WDR18: variants seen among roughly 807,000 people sequenced by gnomAD.
WDR18 encodes the protein WD repeat domain 18, also known as WD repeat-containing protein 18.
WDR18 carries 33 observed loss-of-function variants against 49.6 expected under a neutral mutation model. The observed-to-expected ratio is 0.67, with a 90% confidence interval of 0.50 to 0.89. The LOEUF (loss-of-function observed/expected upper bound fraction) is 0.89. WDR18 is among the 40% of genes least tolerant of loss of function. The probability of loss-of-function intolerance (pLI) is 0.00; values close to 1 mark genes in which losing one functional copy is unlikely to be tolerated. For missense variants in WDR18, 653 were observed against 593.6 expected (o/e 1.10, Z -1.04); for synonymous variants, 315 against 263.6 (o/e 1.19, Z -1.89).
Position 992,076 on chromosome 19 carries a change from G to T in WDR18, c.1053G>T (p.Glu351Asp). Reference sequence around the variant, plus strand: ...TGCTGGGCGCCGAGCACGGGGACGAGCCGCGCCACGGGGGCCTCACTCTGC... The same window carrying T: ...TGCTGGGCGCCGAGCACGGGGACGATCCGCGCCACGGGGGCCTCACTCTGC... ...KHLLGAEHGD[E>D]PRHGGLTLRL... The change falls in exon 8 of 10, where the codon GAG (glutamate) becomes GAT (aspartate). Residue 351 changes from glutamate (E) to aspartate (D), a missense_variant. Physicochemically the swap from Glu to Asp is conservative, Grantham distance 45 (BLOSUM62 2). Coordinates refer to ENST00000585809, the MANE Select transcript of WDR18 (RefSeq NM_024100.4). 1 of 1,558,868 alleles carries T rather than the reference G, an allele frequency of 6.4e-7. No homozygotes were observed. Among genetic ancestry groups the T allele is most frequent in the Non-Finnish European group, 8.6e-7 (1 of 1,157,592 alleles).
chr19:990,119 C>A, intron 3 of WDR18, 104 bp from the exon 4 acceptor site: 1 of 1,422,088 alleles, frequency 7.0e-7, no homozygotes, highest in Non-Finnish European at 9.3e-7. Context: ...GCAGGCCAGG[C>A]TGCTGAGTGG....
At chr19:988,438 C>T (rs1454179015) in intron 2 of WDR18, among the ~76,000 whole-genome samples, 1 of 152,164 alleles carries the variant, frequency 6.6e-6, no homozygotes, top group African/African-American at 2.4e-5. Context: ...CCAGAGCTGC[C>T]CTCTGTGGTT....
chr19:991,195 ACG>A (rs1491280130), intron 6 of WDR18, 30 bp from the exon 7 acceptor site: 1 of 1,187,270 alleles, frequency 8.4e-7, no homozygotes, highest in Non-Finnish European at 1.1e-6. Flanking sequence ...CCTGTCTGGC[ACG>A]TCCCAGGTGA....
intron 8 of WDR18, 34 bp downstream of exon 8, chr19:992,155 T>A: frequency 1.4e-6 from 2 of 1,420,842 alleles, no homozygotes; most frequent in Non-Finnish European, 1.8e-6. Context: ...CCACTGCCCT[T>A]TTGTCCCGGA....
Position 989,793 on chromosome 19 carries a change from G to A in WDR18, c.353G>A (p.Ser118Asn), listed in dbSNP as rs750563170. Residue 118 changes from serine to asparagine, a missense_variant, in exon 3 of 10, where the codon AGT becomes AAT. Physicochemically the swap from Ser to Asn is conservative, Grantham distance 46 (BLOSUM62 1). Transcript: ENST00000585809. ...VSTGNLLVIL[S>N]RHYQDVSCLQ... is the part of the protein sequence containing the mutation. ...ACCGGGAACCTTCTGGTCATCCTGA[G>A]TCGACACTACCAGGACGTCTCCTGC... The A allele has an allele frequency of 7.9e-5, 128 of 1,612,796 alleles. No homozygotes were observed. The highest frequency in any genetic ancestry group is 1.1e-4 in the Non-Finnish European group (125 of 1,179,922).
chr19:990,572 C>G (rs2038532151), intron 4 of WDR18: 5 of 880,752 alleles, frequency 5.7e-6, no homozygotes, highest in African/African-American at 1.7e-5. Context: ...GCCCGGCTCC[C>G]TGGCCAAGCC....
chr19:991,454 G>A, intron 7 of WDR18, 103 bp downstream of exon 7: 1 of 1,025,230 alleles, frequency 9.8e-7, no homozygotes, highest in Non-Finnish European at 1.3e-6. Context: ...TTGCTGTGGG[G>A]CGGGGCCGGG....
intron 2 of WDR18, among the ~76,000 whole-genome samples, chr19:986,764 G>A (rs1204526383): frequency 6.6e-6 from 1 of 152,250 alleles, no homozygotes; most frequent in Non-Finnish European, 1.5e-5. Context: ...GCACAGAGAT[G>A]TGCCAGGGAG....
intron 8 of WDR18, 119 bp downstream of exon 8, chr19:992,240 C>A: frequency 1.6e-6 from 2 of 1,238,642 alleles, no homozygotes; most frequent in Non-Finnish European, 2.1e-6. Context: ...AAGCCCGGCA[C>A]TGGAGGGCGC....
chr19:993,860 G>A (rs992892722), intron 8 of WDR18, among the ~76,000 whole-genome samples, 160 bp from the exon 9 acceptor site: 2 of 152,186 alleles, frequency 1.3e-5, no homozygotes, highest in Non-Finnish European at 2.9e-5. Context: ...CAGGCTCGAC[G>A]GAGGTGAACG....
At chr19:991,759 A>G (rs1321927410) in intron 7 of WDR18, among the ~76,000 whole-genome samples, 196 bp from the exon 8 acceptor site, 5 of 49,558 alleles carry the variant, frequency 1.0e-4, no homozygotes, top group African/African-American at 1.7e-4. Context: ...TGGGGGCGTG[A>G]ACTGGCTTTG....
chr19:986,048 G>T, intron 2 of WDR18, 73 bp downstream of exon 2: 1 of 1,462,538 alleles, frequency 6.8e-7, no homozygotes, highest in South Asian at 1.1e-5. Flanking sequence ...CAGGGCACCA[G>T]GGAACAACCA....
chr19:984,519 C>T lies in WDR18; in HGVS notation c.166C>T (p.Gln56Ter). 1 of 1,541,336 alleles carries T rather than the reference C, an allele frequency of 6.5e-7. No homozygotes were observed. Among genetic ancestry groups the T allele is most frequent in the Non-Finnish European group, 8.7e-7 (1 of 1,144,906 alleles). Residue 56 changes from glutamine (Q) to a stop codon, truncating the protein, a stop_gained, in exon 1 of 10, where the codon CAG becomes TAG. Transcript: ENST00000585809. LOFTEE classifies it high-confidence loss of function. ...CAATGGCGAGTATCTGCTGGCGGCG[C>T]AGCTGGGCAAGAATTACATCAGCGC... ...LLNGEYLLAAQLGKNYISAWE... is the reference protein window; with the variant it reads ...LLNGEYLLAA
intron 8 of WDR18, among the ~76,000 whole-genome samples, chr19:993,753 T>C (rs1329449689): frequency 6.6e-6 from 1 of 152,138 alleles, no homozygotes; most frequent in African/African-American, 2.4e-5. Context: ...GGTGTGGCCA[T>C]CTGCACCCCC....
chr19:984,318 A>G, upstream of WDR18: 2 of 1,545,850 alleles, frequency 1.3e-6, no homozygotes, highest in Non-Finnish European at 1.7e-6. Context: ...CGTCTCGCTC[A>G]TGATGACGCA....
chr19:986,589 G>A (rs75615445), intron 2 of WDR18, among the ~76,000 whole-genome samples: 1 of 152,110 alleles, frequency 6.6e-6, no homozygotes, highest in Non-Finnish European at 1.5e-5. Context: ...TTTTCTTACC[G>A]CTGGACCAAC....
chr19:991,956 C>T lies in WDR18; in HGVS notation c.933C>T (p.Gly311=). 1 of 1,584,924 alleles carries T rather than the reference C, an allele frequency of 6.3e-7. No homozygotes were observed. The highest frequency in any genetic ancestry group is 8.5e-7 in the Non-Finnish European group (1 of 1,171,882). ...GGGCCTGACCTCCGCGCCCCCCAGG[C>T]CCAGTCACCAATGCCGCCATCCTGC... The part of the protein sequence containing the change: ...KQCIRTVALK[G]PVTNAAILLA... Residue 311 remains glycine, a splice_region_variant and synonymous_variant, in exon 8 of 10, where the codon GGC becomes GGT. Coordinates refer to ENST00000585809, the MANE Select transcript of WDR18 (RefSeq NM_024100.4).
chr19:992,718 C>G (rs888912210), intron 8 of WDR18, among the ~76,000 whole-genome samples: 1 of 152,314 alleles, frequency 6.6e-6, no homozygotes, highest in Non-Finnish European at 1.5e-5. Flanking sequence ...CTCATAGAAG[C>G]CAGTGTGGTT....
chr19:993,398 T>G lies in WDR18; in HGVS notation c.1099-622T>G, dbSNP rs116615905. On this transcript the variant is annotated intron_variant, in intron 8 of 9. Transcript: ENST00000585809. ...TGCCCTCCGGTAATGCCGCCACCTT[T>G]CCCTAGCCGCCCCACCTGGCTCCCT... is the stretch of plus-strand genomic sequence containing the variant. Among the ~76,000 whole-genome samples the G allele has an allele frequency of 3.1e-3, 465 of 152,288 alleles. 8 individuals carry two copies. The highest frequency in any genetic ancestry group is 0.011 in the African/African-American group (438 of 41,568).
Sources: allele counts gnomAD v4.1 joint callset (sites outside exome capture counted in the v4.1 genomes callset), GRCh38; gene constraint gnomAD v4.1.1; transcripts MANE v1.5; gene names NCBI Gene and HGNC (gene_info 2026-07-23, HGNC 2026-07-21).